CTIF: variants seen among roughly 807,000 people sequenced by gnomAD.
CTIF encodes CBP80/20-dependent translation initiation factor.
A neutral mutation model predicts 66.0 loss-of-function variants in CTIF; 21 were observed. That is an observed-to-expected ratio of 0.32 (90% CI 0.23 to 0.46). The LOEUF is 0.46. Among genes scored for constraint, CTIF ranks in the 20% least tolerant of loss-of-function variants. The pLI is 1.00. For synonymous variants in CTIF, 345 were observed against 326.4 expected (o/e 1.06, Z -0.62); for missense variants, 739 against 812.7 (o/e 0.91, Z 1.10).
At chr18:48,554,768 G>A (rs1178914018) in intron 1 of CTIF, among the ~76,000 whole-genome samples, 1 of 152,246 alleles carries the variant, frequency 6.6e-6, no homozygotes, top group African/African-American at 2.4e-5. Flanking sequence ...AGATCTGAAA[G>A]CCCAGAAGGA....
intron 2 of CTIF, among the ~76,000 whole-genome samples, chr18:48,624,171 G>A (rs963144185): frequency 1.6e-4 from 11 of 69,696 alleles, no homozygotes; most frequent in Admixed American, 1.1e-3. Flanking sequence ...CCCCTCCCCC[G>A]TATTTTACAT....
chr18:48,667,714 TCC>T (rs1424165729), intron 5 of CTIF, among the ~76,000 whole-genome samples: 14 of 152,276 alleles, frequency 9.2e-5, no homozygotes, highest in Admixed American at 3.3e-4. Flanking sequence ...GGGCCTAAAT[TCC>T]TCGGCCAGTC....
At chr18:48,613,291 T>A (rs2090341467) in intron 1 of CTIF, among the ~76,000 whole-genome samples, 1 of 152,156 alleles carries the variant, frequency 6.6e-6, no homozygotes, top group African/African-American at 2.4e-5. Flanking sequence ...CCAGACCTCC[T>A]GCCTCTGAAG....
intron 3 of CTIF, among the ~76,000 whole-genome samples, chr18:48,651,309 G>A (rs1451300531): frequency 6.6e-6 from 1 of 152,122 alleles, no homozygotes; most frequent in Non-Finnish European, 1.5e-5. Context: ...GATCTATCAA[G>A]CAAATGGAAA....
intron 11 of CTIF, among the ~76,000 whole-genome samples, chr18:48,858,741 C>T (rs896228100): frequency 6.6e-6 from 1 of 152,158 alleles, no homozygotes; most frequent in Non-Finnish European, 1.5e-5. Context: ...CGGCCTCTGG[C>T]TGGCCTTCTT....
chr18:48,840,299 C>T (rs556817069), intron 10 of CTIF, among the ~76,000 whole-genome samples: 9 of 152,166 alleles, frequency 5.9e-5, no homozygotes, highest in African/African-American at 2.2e-4. Context: ...GACTGTAGGG[C>T]CCAGAGCAGA....
chr18:48,609,833 G>A (rs1029522325), intron 1 of CTIF, among the ~76,000 whole-genome samples: 1 of 152,202 alleles, frequency 6.6e-6, no homozygotes, highest in Non-Finnish European at 1.5e-5. Flanking sequence ...GAGTTGTCTC[G>A]AGGAGGCTCT....
At chr18:48,568,259 T>A (rs1021313965) in intron 1 of CTIF, 2 of 152,160 alleles carry the variant, frequency 1.3e-5, no homozygotes, top group African/African-American at 4.8e-5. Context: ...TGTGAGTACA[T>A]GACATTATCG....
intron 10 of CTIF, chr18:48,834,689 T>TAC (rs2146484711): frequency 6.5e-6 from 1 of 152,858 alleles, no homozygotes; most frequent in Admixed American, 6.5e-5. Context: ...AGAGGCAACG[T>TAC]ACCTCTATCA....
At chr18:48,713,977 G>A (rs2092254787) in intron 7 of CTIF, among the ~76,000 whole-genome samples, 1 of 152,184 alleles carries the variant, frequency 6.6e-6, no homozygotes, top group Non-Finnish European at 1.5e-5. Context: ...TCACAGCCTG[G>A]AGCTGTCGTG....
chr18:48,852,946 C>A (rs2069241579), intron 10 of CTIF, among the ~76,000 whole-genome samples: 1 of 152,144 alleles, frequency 6.6e-6, no homozygotes, highest in Non-Finnish European at 1.5e-5. Context: ...TGCCATGTCC[C>A]TTCTGGTGAC....
intron 7 of CTIF, among the ~76,000 whole-genome samples, chr18:48,719,710 C>A (rs1196165120): frequency 1.3e-5 from 2 of 152,210 alleles, no homozygotes; most frequent in African/African-American, 4.8e-5. Flanking sequence ...TATAAGCAAG[C>A]ACCCTTCTCA....
intron 7 of CTIF, among the ~76,000 whole-genome samples, chr18:48,714,640 G>C (rs745429449): frequency 6.6e-5 from 10 of 152,212 alleles, no homozygotes; most frequent in Non-Finnish European, 1.0e-4. Context: ...CCCAGTTCCA[G>C]CTGCACTCTC....
intron 5 of CTIF, among the ~76,000 whole-genome samples, chr18:48,667,099 A>T (rs1427008438): frequency 6.6e-6 from 1 of 151,886 alleles, no homozygotes; most frequent in Admixed American, 6.6e-5. Context: ...ACACACACAC[A>T]CACACACACA....
intron 3 of CTIF, among the ~76,000 whole-genome samples, chr18:48,652,168 C>A (rs1461781096): frequency 6.6e-6 from 1 of 152,116 alleles, no homozygotes; most frequent in Admixed American, 6.5e-5. Flanking sequence ...ACGCAAAAAA[C>A]CCTTCAAAAA....
intron 3 of CTIF, among the ~76,000 whole-genome samples, chr18:48,639,379 G>C (rs1392345969): frequency 6.6e-6 from 1 of 152,186 alleles, no homozygotes; most frequent in Non-Finnish European, 1.5e-5. Context: ...TGCTAAGTGG[G>C]AAGGACAAGA....
At chr18:48,813,124 CT>C (rs1381709148) in intron 9 of CTIF, among the ~76,000 whole-genome samples, 3 of 152,138 alleles carry the variant, frequency 2.0e-5, no homozygotes, top group Non-Finnish European at 4.4e-5. Context: ...CCATTCTATC[CT>C]TTACTGCCTC....
At position 48,761,677 on chromosome 18, in the gene CTIF, C is replaced by T. The variant is rs1909010715; in HGVS notation, c.1359C>T (p.Leu453=). ...GGACCAAGTTCCGGAGCCTGCTCCT[C>T]AACATGCTGCAGGTAACTGGACGCC... ...VEGTKFRSLL[L]NMLQKDFTVR... The change falls in exon 9 of 12, where the codon CTC becomes CTT. Residue 453 remains leucine (L), a synonymous_variant. Transcript: ENST00000256413. The surrounding 1 kb of genome is among the most constrained non-coding windows in gnomAD (Gnocchi z 4.2). The T allele has an allele frequency of 6.2e-7, 1 of 1,608,158 alleles. No individual in the cohort carries two copies. The highest frequency in any genetic ancestry group is 2.2e-5 in the East Asian group (1 of 44,702).
intron 2 of CTIF, among the ~76,000 whole-genome samples, chr18:48,626,652 T>TTG (rs2090607014): frequency 1.7e-5 from 2 of 120,190 alleles, no homozygotes; most frequent in South Asian, 2.7e-4. Flanking sequence ...GCCGTTTTTT[T>TTG]TTTGTTTTTT....
Sources: allele counts gnomAD v4.1 joint callset (sites outside exome capture counted in the v4.1 genomes callset), GRCh38; gene constraint gnomAD v4.1.1; non-coding constraint Gnocchi (gnomAD v3.1); transcripts MANE v1.5; gene names NCBI Gene and HGNC (gene_info 2026-07-23, HGNC 2026-07-21).